Variants in PCNT observed in about 807,000 individuals in gnomAD.
PCNT encodes the protein kendrin.
In PCNT, 319 loss-of-function variants were observed where a neutral mutation model predicts 380.4. The observed-to-expected ratio is 0.84, with a 90% CI of 0.77 to 0.92. The LOEUF is 0.92. Among genes scored for constraint, PCNT ranks in the 40% least tolerant of loss-of-function variants. The probability of loss-of-function intolerance (pLI) is 0.00; values close to 1 mark genes in which losing one functional copy is unlikely to be tolerated. For missense variants in PCNT, 4,400 were observed against 4,255.3 expected (o/e 1.03, Z -0.95); for synonymous variants, 1,845 against 1,735.2 (o/e 1.06, Z -1.57).
intron 27 of PCNT, among the ~76,000 whole-genome samples, chr21:46,409,829 A>G (rs928510588): frequency 6.6e-6 from 1 of 151,246 alleles, no homozygotes; most frequent in African/African-American, 2.4e-5. Context: ...CCTGTGCTCA[A>G]GTGATCTGCC....
intron 32 of PCNT, among the ~76,000 whole-genome samples, chr21:46,423,006 G>A (rs1160054306): frequency 6.6e-6 from 1 of 152,112 alleles, no homozygotes; most frequent in East Asian, 1.9e-4. Context: ...CCAGCACTTC[G>A]GGAGGCTGAG....
chr21:46,390,388 T>TG (rs2085990600), intron 19 of PCNT, among the ~76,000 whole-genome samples: 1 of 152,184 alleles, frequency 6.6e-6, no homozygotes, highest in African/African-American at 2.4e-5. Context: ...GTAGATGGCC[T>TG]GGGAGCCCCA....
At chr21:46,427,189 C>T (rs1301249774) in intron 33 of PCNT, among the ~76,000 whole-genome samples, 2 of 152,242 alleles carry the variant, frequency 1.3e-5, no homozygotes, top group South Asian at 2.1e-4. Flanking sequence ...TTTTCAGTCT[C>T]TTCTGTGCTC....
intron 1 of PCNT, chr21:46,324,986 C>T (rs1463969260): frequency 1.2e-6 from 1 of 832,302 alleles, no homozygotes; most frequent in Non-Finnish European, 1.3e-6. Flanking sequence ...CCGGGCCTGG[C>T]GTACGCTGCC....
At chr21:46,346,284 G>A (rs2084064458) in intron 4 of PCNT, 76 bp downstream of exon 4, 2 of 720,126 alleles carry the variant, frequency 2.8e-6, no homozygotes, top group Non-Finnish European at 4.9e-6. Flanking sequence ...CATCCGGGTG[G>A]GGGTGGGGTG....
intron 29 of PCNT, among the ~76,000 whole-genome samples, chr21:46,414,925 T>A (rs935297276): frequency 6.6e-6 from 1 of 152,142 alleles, no homozygotes; most frequent in Non-Finnish European, 1.5e-5. Context: ...TGCTGTTTGC[T>A]AAATGTGCCC....
In PCNT at chr21:46,399,741, C is replaced by A; in HGVS notation, c.4736C>A (p.Ala1579Asp). 1 of 1,613,998 alleles carries A rather than the reference C, an allele frequency of 6.2e-7. No homozygotes were observed. Among genetic ancestry groups the A allele is most frequent in the Non-Finnish European group, 8.5e-7 (1 of 1,179,972 alleles). The change falls in exon 25 of 47, where the codon GCC becomes GAC. Residue 1579 changes from alanine (A) to aspartate (D), a missense_variant. Transcript: ENST00000359568. ...EMNINIRKKVAQLQEEVEKQK... is the reference protein window; with the variant it reads ...EMNINIRKKVDQLQEEVEKQK... ...AACATCAACATCAGGAAAAAAGTGG[C>A]CCAGCTCCAGGAAGAAGTGGAAAAA...
chr21:46,379,289 G>A (rs375103644), intron 15 of PCNT, among the ~76,000 whole-genome samples: 88 of 145,840 alleles, frequency 6.0e-4, no homozygotes, highest in African/African-American at 2.0e-3. Flanking sequence ...AGCCGCGCCC[G>A]TCTTCCCGGG....
At chr21:46,441,455 G>A (rs974116164) in intron 43 of PCNT, among the ~76,000 whole-genome samples, 3 of 152,196 alleles carry the variant, frequency 2.0e-5, no homozygotes, top group African/African-American at 4.8e-5. Flanking sequence ...GGCCACGCGC[G>A]GGCCTGTCTG....
At chr21:46,337,686 G>A (rs1348438162) in intron 3 of PCNT, among the ~76,000 whole-genome samples, 1 of 152,128 alleles carries the variant, frequency 6.6e-6, no homozygotes, top group Non-Finnish European at 1.5e-5. Context: ...GGATTCAAGC[G>A]ATTCTCCTAC....
chr21:46,396,650 C>G (rs1468215566), intron 21 of PCNT, among the ~76,000 whole-genome samples: 2 of 152,176 alleles, frequency 1.3e-5, no homozygotes, highest in African/African-American at 4.8e-5. Context: ...GTCACCCAGG[C>G]TGGAGTGCAG....
chr21:46,359,480 G>GGTTTTTTTTTGTTTTTTTTTTTTTT (rs2084608624), intron 13 of PCNT, among the ~76,000 whole-genome samples: 1 of 65,732 alleles, frequency 1.5e-5, no homozygotes, highest in Non-Finnish European at 3.4e-5. Context: ...AAATACACCT[G>GGTTTTTTTTTGTTTTTTTTTTTTTT]TTTTTTTTTT....
chr21:46,396,180 G>C (rs777836015), intron 21 of PCNT, among the ~76,000 whole-genome samples: 1 of 152,210 alleles, frequency 6.6e-6, no homozygotes, highest in African/African-American at 2.4e-5. Flanking sequence ...TTTCCACTTG[G>C]GCCGGGGCTT....
Position 46,438,191 on chromosome 21 carries a change from C to T in PCNT, c.9127C>T (p.Gln3043Ter). ...QKKMAAELQF[Q>*]FVDVLLKDNV... is the part of the protein sequence containing the mutation. The stretch of plus-strand genomic sequence containing the variant: ...AAAAATGGCAGCAGAGCTGCAGTTC[C>T]AGTTTGTGGACGTCCTGCTGAAAGA... Residue 3043 changes from glutamine to a stop codon, truncating the protein, a stop_gained, in exon 41 of 47, where the codon CAG (glutamine) becomes TAG (stop). Transcript: ENST00000359568. LOFTEE classifies it high-confidence loss of function. The T allele has an allele frequency of 6.2e-7, 1 of 1,614,114 alleles. No individual in the cohort carries two copies. The highest frequency in any genetic ancestry group is 8.5e-7 in the Non-Finnish European group (1 of 1,179,952).
intron 14 of PCNT, among the ~76,000 whole-genome samples, chr21:46,364,281 C>A (rs913985238): frequency 6.6e-6 from 1 of 151,620 alleles, no homozygotes; most frequent in Non-Finnish European, 1.5e-5. Context: ...CCCGAAGCCC[C>A]CAGGCTGCAA....
intron 32 of PCNT, among the ~76,000 whole-genome samples, chr21:46,424,151 C>T (rs922303145): frequency 2.6e-5 from 4 of 152,116 alleles, no homozygotes; most frequent in East Asian, 1.9e-4. Context: ...AGAGTGTGGT[C>T]GACGCTCTAA....
intron 13 of PCNT, among the ~76,000 whole-genome samples, chr21:46,360,783 G>T (rs537552347): frequency 6.6e-6 from 1 of 152,194 alleles, no homozygotes; most frequent in South Asian, 2.1e-4. Flanking sequence ...CTCCCAAAGT[G>T]CTGGGATTAC....
chr21:46,334,191 C>G (rs1290303605), intron 2 of PCNT, among the ~76,000 whole-genome samples: 2 of 141,604 alleles, frequency 1.4e-5, no homozygotes, highest in African/African-American at 5.4e-5. Flanking sequence ...GGCGACAGAG[C>G]AAGACTCCGT....
chr21:46,438,670 T>A (rs1489194286), intron 41 of PCNT, among the ~76,000 whole-genome samples: 4 of 41,604 alleles, frequency 9.6e-5, no homozygotes, highest in Non-Finnish European at 8.5e-5. Context: ...TGATTTATAA[T>A]TTTTTTTTTT....
Sources: allele counts gnomAD v4.1 joint callset (sites outside exome capture counted in the v4.1 genomes callset), GRCh38; gene constraint gnomAD v4.1.1; transcripts MANE v1.5; gene names NCBI Gene and HGNC (gene_info 2026-07-23, HGNC 2026-07-21).